CACNA1B: variants seen among roughly 807,000 people sequenced by gnomAD.
CACNA1B encodes voltage-dependent N-type calcium channel subunit alpha-1B.
In CACNA1B, 70 loss-of-function variants were observed where a neutral mutation model predicts 247.2. The observed-to-expected ratio is 0.28, with a 90% confidence interval of 0.23 to 0.35. The LOEUF is 0.35. Ranked by LOEUF, CACNA1B falls within the 10% of genes least tolerant of loss-of-function variation. The pLI, the probability that CACNA1B is intolerant of heterozygous loss-of-function variation, is 1.00. For synonymous variants in CACNA1B, 1,231 were observed against 1,294.4 expected (o/e 0.95, Z 1.05); for missense variants, 2,367 against 3,197.4 (o/e 0.74, Z 6.26).
chr9:137,939,596 G>A (rs962509025), intron 6 of CACNA1B, among the ~76,000 whole-genome samples: 3 of 151,720 alleles, frequency 2.0e-5, no homozygotes, highest in African/African-American at 4.8e-5. Context: ...TCAGGAGATC[G>A]AGACCATCCT....
rs1426332135 is a variant in CACNA1B, at chr9:137,950,817, T to C, written c.967-1457T>C. Among the ~76,000 whole-genome samples the C allele has an allele frequency of 6.6e-6, 1 of 152,254 alleles. No homozygotes were observed. Among genetic ancestry groups the C allele is most frequent in the East Asian group, 1.9e-4 (1 of 5,202 alleles). ...GCTAGTCTGCTCTATTTTCTCCATC[T>C]TTCAGAGTCATTCTATATTTGCTTT... is the stretch of plus-strand genomic sequence containing the variant. On this transcript the variant is annotated intron_variant, in intron 6 of 46. Coordinates refer to ENST00000371372, the MANE Select transcript of CACNA1B (RefSeq NM_000718.4). This position sits in a 1 kb window ranked among gnomAD's most constrained non-coding sequence, Gnocchi z 4.8.
intron 3 of CACNA1B, among the ~76,000 whole-genome samples, chr9:137,898,325 T>C (rs1220780800): frequency 2.0e-5 from 3 of 152,226 alleles, no homozygotes; most frequent in Non-Finnish European, 2.9e-5. Context: ...TGGGGTCCCC[T>C]CAGCTTCTTG....
intron 12 of CACNA1B, among the ~76,000 whole-genome samples, chr9:137,981,443 C>G (rs1017727130): frequency 6.6e-6 from 1 of 152,150 alleles, no homozygotes. Context: ...GCTCAGAGAT[C>G]TCTTGAGGTT....
In CACNA1B at chr9:138,100,580, A is replaced by T. The variant is rs1022472180; in HGVS notation, c.5223-2131A>T. Among the ~76,000 whole-genome samples the T allele has an allele frequency of 6.6e-6, 1 of 152,088 alleles. No individual in the cohort carries two copies. Among genetic ancestry groups the T allele is most frequent in the Non-Finnish European group, 1.5e-5 (1 of 68,004 alleles). On this transcript the variant is annotated intron_variant, in intron 37 of 46. Transcript: ENST00000371372. The surrounding 1 kb of genome is among the most constrained non-coding windows in gnomAD (Gnocchi z 4.6). Reference sequence around the variant, plus strand: ...TGGACCGAGGGGGCTACACTGTAGGAGAGAGGAGCATTGGTGGTGATCCAA... The same window carrying T: ...TGGACCGAGGGGGCTACACTGTAGGTGAGAGGAGCATTGGTGGTGATCCAA...
chr9:138,076,211 G>A (rs1394977667), intron 35 of CACNA1B, among the ~76,000 whole-genome samples: 1 of 152,182 alleles, frequency 6.6e-6, no homozygotes, highest in Admixed American at 6.5e-5. Context: ...GCGACAGCTT[G>A]GGAGCCTCCG....
chr9:137,984,794 A>G (rs1056773950), intron 13 of CACNA1B, among the ~76,000 whole-genome samples: 1 of 152,168 alleles, frequency 6.6e-6, no homozygotes, highest in African/African-American at 2.4e-5. Context: ...CCATGTTTAC[A>G]GTTATGTCCC....
In CACNA1B at chr9:137,880,969, C is replaced by T. The variant is rs1956909170; in HGVS notation, c.391-1775C>T. 6.6e-6 allele frequency among the ~76,000 whole-genome samples: 1 copy of T among 152,234 alleles called. No individual in the cohort carries two copies. Among genetic ancestry groups the T allele is most frequent in the South Asian group, 2.1e-4 (1 of 4,836 alleles). ...GCAGTGCAACACCAAGCTGCCTGCA[C>T]ACCCATCCCTCCCACCTAAGCCAGC... On this transcript the variant is annotated intron_variant, in intron 2 of 46. Transcript: ENST00000371372. This position sits in a 1 kb window ranked among gnomAD's most constrained non-coding sequence, Gnocchi z 4.8.
chr9:138,121,605 C>CT lies in CACNA1B; in HGVS notation c.6626_6627insT (p.Pro2210ThrfsTer48). The CT allele has an allele frequency of 6.2e-7, 1 of 1,613,098 alleles. No homozygotes were observed. Among genetic ancestry groups the CT allele is most frequent in the Non-Finnish European group, 8.5e-7 (1 of 1,179,480 alleles). ...ATCACCTACAAGACGGCCAACTCCT[C>CT]ACCCATCCACTTCGCCGGGGCTCAG... On this transcript the variant is annotated frameshift_variant, in exon 47 of 47. Coordinates refer to ENST00000371372, the MANE Select transcript of CACNA1B (RefSeq NM_000718.4). LOFTEE classifies it high-confidence loss of function. The surrounding 1 kb of genome is among the most constrained non-coding windows in gnomAD (Gnocchi z 6.8).
chr9:137,985,242 T>C (rs1958342957), intron 13 of CACNA1B, among the ~76,000 whole-genome samples: 1 of 152,200 alleles, frequency 6.6e-6, no homozygotes, highest in Non-Finnish European at 1.5e-5. Flanking sequence ...TAGGAGGATA[T>C]GAAGCTATAA....
rs771137224 is a variant in CACNA1B, at chr9:137,879,169, C to T, written c.390+10C>T. 51 of 1,584,816 alleles carry T rather than the reference C, an allele frequency of 3.2e-5. No homozygotes were observed. The highest frequency in any genetic ancestry group is 1.6e-5 in the Non-Finnish European group (19 of 1,160,050). On this transcript the variant is annotated intron_variant, in intron 2 of 46. Coordinates refer to ENST00000371372, the MANE Select transcript of CACNA1B (RefSeq NM_000718.4). ...CATGTCCGAGCGGCTGGTGAGTGCC[C>T]GGCTGGGCCTGAGGGCAGGGTGGTG...
At chr9:138,101,942 C>T (rs978212657) in intron 37 of CACNA1B, among the ~76,000 whole-genome samples, 1 of 152,154 alleles carries the variant, frequency 6.6e-6, no homozygotes, top group Non-Finnish European at 1.5e-5. Context: ...CCTTTAGGTT[C>T]CTAGATCCTG....
At chr9:138,105,967 G>C (rs1299082505) in intron 39 of CACNA1B, among the ~76,000 whole-genome samples, 160 bp downstream of exon 39, 1 of 152,196 alleles carries the variant, frequency 6.6e-6, no homozygotes, top group Non-Finnish European at 1.5e-5. Flanking sequence ...CTGGGGCACT[G>C]GCTTTTTCGC....
chr9:138,124,339 G>C lies in CACNA1B; in HGVS notation c.*2340G>C, dbSNP rs1962194282. The C allele has an allele frequency of 6.6e-6, 1 of 151,196 alleles. No homozygotes were observed. Among genetic ancestry groups the C allele is most frequent in the South Asian group, 2.1e-4 (1 of 4,808 alleles). The allele number at this position is 151,196 out of a possible 1,614,324, so 9.4% of individuals were successfully genotyped here. On this transcript the variant is annotated 3_prime_UTR_variant, in exon 47 of 47. Transcript: ENST00000371372. ...GATAATGTATATCTTCGTACTTTTT[G>C]ATACAATGTATTCATTTGTTAATTT...
At chr9:138,106,665 G>A (rs1267772363) in intron 39 of CACNA1B, among the ~76,000 whole-genome samples, 4 of 152,222 alleles carry the variant, frequency 2.6e-5, no homozygotes, top group African/African-American at 4.8e-5. Context: ...TAGCTATTCA[G>A]GAGGCTGAGG....
intron 6 of CACNA1B, among the ~76,000 whole-genome samples, chr9:137,931,473 G>C (rs1957607400): frequency 6.6e-6 from 1 of 152,140 alleles, no homozygotes; most frequent in African/African-American, 2.4e-5. Flanking sequence ...ATGTGGAGAG[G>C]TGGAGTTTTC....
In CACNA1B at chr9:138,063,419, A is replaced by G. The variant is rs537440252; in HGVS notation, c.4668+3682A>G. Reference sequence around the variant, plus strand: ...TGAGGCAGGAGAATCACTTGAGCCCAGGAAGTCAAGGCTGCAGTGAGCTAT... The same window carrying G: ...TGAGGCAGGAGAATCACTTGAGCCCGGGAAGTCAAGGCTGCAGTGAGCTAT... On this transcript the variant is annotated intron_variant, in intron 31 of 46. Transcript: ENST00000371372. 1.3e-3 allele frequency among the ~76,000 whole-genome samples: 205 copies of G among 152,360 alleles called. 1 individual carries two copies. Among genetic ancestry groups the G allele is most frequent in the African/African-American group, 4.6e-3 (191 of 41,586 alleles).
At chr9:138,008,388 C>T (rs1454647414) in intron 16 of CACNA1B, among the ~76,000 whole-genome samples, 1 of 152,218 alleles carries the variant, frequency 6.6e-6, no homozygotes, top group Non-Finnish European at 1.5e-5. Context: ...AGGGGCATGG[C>T]CCTTGGTCCT....
In CACNA1B at chr9:137,986,471, A is replaced by G. The variant is rs1427557264; in HGVS notation, c.1828A>G (p.Ile610Val). ...VSLLNSMKSI[I>V]SLLFLLFLFI... ...CCTGCTGAACTCCATGAAGTCCATCATCAGCCTGCTCTTCTTGCTCTTCCT... is the reference window on the plus strand; with the variant it reads ...CCTGCTGAACTCCATGAAGTCCATCGTCAGCCTGCTCTTCTTGCTCTTCCT... The change falls in exon 14 of 47, where the codon ATC (isoleucine) becomes GTC (valine). Residue 610 changes from isoleucine to valine, a missense_variant. Around this residue, in one of 12 missense-constraint regions of CACNA1B, gnomAD observed 76 missense variants for 191.0 expected, o/e 0.40. Coordinates refer to ENST00000371372, the MANE Select transcript of CACNA1B (RefSeq NM_000718.4). The surrounding 1 kb of genome is among the most constrained non-coding windows in gnomAD (Gnocchi z 6.0). 4 of 1,613,740 alleles carry G rather than the reference A, an allele frequency of 2.5e-6. No individual in the cohort carries two copies. The highest frequency in any genetic ancestry group is 2.5e-6 in the Non-Finnish European group (3 of 1,179,826).
In CACNA1B at chr9:137,974,030, G is replaced by A. The variant is rs1958188391; in HGVS notation, c.1544-1877G>A. On this transcript the variant is annotated intron_variant, in intron 11 of 46. Coordinates refer to ENST00000371372, the MANE Select transcript of CACNA1B (RefSeq NM_000718.4). This position sits in a 1 kb window ranked among gnomAD's most constrained non-coding sequence, Gnocchi z 4.5. ...TCTCCTCCCTGGGTCCGAGCCCCTC[G>A]TGTGGGGAGCCCGAGGCCTTTGTGA... Among the ~76,000 whole-genome samples, 1 of 152,300 alleles carries A rather than the reference G, an allele frequency of 6.6e-6. No individual in the cohort carries two copies. Among genetic ancestry groups the A allele is most frequent in the African/African-American group, 2.4e-5 (1 of 41,572 alleles).
Sources: allele counts gnomAD v4.1 joint callset (sites outside exome capture counted in the v4.1 genomes callset), GRCh38; gene constraint gnomAD v4.1.1; regional missense constraint gnomAD v4.1.1; non-coding constraint Gnocchi (gnomAD v3.1); transcripts MANE v1.5; gene names NCBI Gene and HGNC (gene_info 2026-07-23, HGNC 2026-07-21).